Variants in SMC5 observed in about 807,000 individuals in gnomAD.
The protein encoded by SMC5 is structural maintenance of chromosomes 5.
A neutral mutation model predicts 148.3 loss-of-function variants in SMC5; 88 were observed. The observed-to-expected ratio is 0.59, with a 90% CI of 0.50 to 0.71. The LOEUF is 0.71. SMC5 is among the 30% of genes least tolerant of loss of function. SMC5 has a pLI of 0.00. For synonymous variants in SMC5, 421 were observed against 432.8 expected (o/e 0.97, Z 0.34); for missense variants, 1,142 against 1,298.9 (o/e 0.88, Z 1.86).
At chr9:70,265,315 C>T (rs550968048) in intron 2 of SMC5, among the ~76,000 whole-genome samples, 5 of 152,140 alleles carry the variant, frequency 3.3e-5, no homozygotes, top group African/African-American at 9.6e-5. Context: ...AAAAATTAGC[C>T]AGGCATGGTG....
At chr9:70,263,473 G>T (rs778275955) in intron 1 of SMC5, among the ~76,000 whole-genome samples, 1 of 152,220 alleles carries the variant, frequency 6.6e-6, no homozygotes, top group African/African-American at 2.4e-5. Flanking sequence ...TTAGTTGGCA[G>T]CTACCTGAGA....
At position 70,276,913 on chromosome 9, in the gene SMC5, A is replaced by G. The variant is rs1301831778; in HGVS notation, c.381-397A>G. Among the ~76,000 whole-genome samples, 3 of 151,990 alleles carry G rather than the reference A, an allele frequency of 2.0e-5. 1 individual carries two copies. The highest frequency in any genetic ancestry group is 7.2e-5 in the African/African-American group (3 of 41,396). ...ATTCATATGTTTTCTGAGCAGGGGG[A>G]GTTTCAAGGTTTAACTGCTCTACCC... On this transcript the variant is annotated intron_variant, in intron 3 of 24. Coordinates refer to ENST00000361138, the MANE Select transcript of SMC5 (RefSeq NM_015110.4).
rs2035461648 is a variant in SMC5 at position 70,305,113 on chromosome 9, G to A, written c.1465-134G>A. ...ATTAGATGTTTTAAAATAACTCTTT[G>A]GTACCAAGTTCTTTTTTTTTATCTT... On this transcript the variant is annotated intron_variant, in intron 10 of 24. Coordinates refer to ENST00000361138, the MANE Select transcript of SMC5 (RefSeq NM_015110.4). 9.4e-6 allele frequency: 5 copies of A among 531,900 alleles called. No homozygotes were observed. In the Admixed American group the frequency reaches 1.3e-4, roughly 14 times the overall value. 32.9% of individuals were successfully genotyped at this position (531,900 alleles called of 1,614,324 possible).
rs2034935405 is a variant in SMC5, at chr9:70,287,417, G to A, written c.1053+1146G>A. Among the ~76,000 whole-genome samples the A allele has an allele frequency of 2.0e-5, 3 of 152,052 alleles. No homozygotes were observed. In the South Asian group the frequency reaches 6.2e-4, roughly 32 times the overall value. On this transcript the variant is annotated intron_variant, in intron 8 of 24. Transcript: ENST00000361138. ...TTTTTCGTGCGTGGGTGGGCCTGAC[G>A]ACAAAATTATGTTAGGATGATTAGG...
At chr9:70,329,372 C>G (rs2036165852) in intron 17 of SMC5, among the ~76,000 whole-genome samples, 1 of 152,148 alleles carries the variant, frequency 6.6e-6, no homozygotes, top group South Asian at 2.1e-4. Flanking sequence ...GCAGCCAGGC[C>G]CCATCTTGAA....
At chr9:70,260,294 T>A (rs1180098) in intron 1 of SMC5, among the ~76,000 whole-genome samples, 32,112 of 152,024 alleles carry the variant, frequency 0.21, 3,526 homozygotes, top group South Asian at 0.28. Flanking sequence ...TTTAGTAGAC[T>A]CGCGGTTTCA....
intron 10 of SMC5, among the ~76,000 whole-genome samples, chr9:70,304,358 A>C (rs556501151): frequency 6.6e-6 from 1 of 152,186 alleles, no homozygotes; most frequent in Non-Finnish European, 1.5e-5. Flanking sequence ...TGGGGTTATC[A>C]GTGCTACCAC....
intron 6 of SMC5, 115 bp downstream of exon 6, chr9:70,281,014 T>C: frequency 8.8e-7 from 1 of 1,132,460 alleles, no homozygotes; most frequent in Non-Finnish European, 1.3e-6. Context: ...ATTTTTGGCT[T>C]TATATGTTAT....
At chr9:70,301,701 A>T (rs1346131006) in intron 10 of SMC5, among the ~76,000 whole-genome samples, 2 of 152,202 alleles carry the variant, frequency 1.3e-5, no homozygotes, top group African/African-American at 4.8e-5. Context: ...ATTTATGAAG[A>T]TGCTGATTGG....
At chr9:70,298,307 T>C in intron 9 of SMC5, 86 bp downstream of exon 9, 1 of 1,417,958 alleles carries the variant, frequency 7.1e-7, no homozygotes, top group Non-Finnish European at 9.4e-7. Flanking sequence ...TATAATTATT[T>C]CTATAAAATG....
Position 70,298,129 on chromosome 9 carries a change from A to G in SMC5, c.1217A>G (p.Asp406Gly). Residue 406 changes from aspartate (D) to glycine (G), a missense_variant, in exon 9 of 25, where the codon GAT (aspartate) becomes GGT (glycine). Coordinates refer to ENST00000361138, the MANE Select transcript of SMC5 (RefSeq NM_015110.4). ...CCCCAGATTGATGCCATTACAAATG[A>G]TCTGAGACGGATTCAGGATGAAAAG... is the stretch of plus-strand genomic sequence containing the variant. ...LQPQIDAITN[D>G]LRRIQDEKAL... 1 of 1,614,104 alleles carries G rather than the reference A, an allele frequency of 6.2e-7. No homozygotes were observed. Among genetic ancestry groups the G allele is most frequent in the Non-Finnish European group, 8.5e-7 (1 of 1,179,954 alleles).
chr9:70,264,116 C>G (rs1049920643), intron 1 of SMC5, among the ~76,000 whole-genome samples, 188 bp from the exon 2 acceptor site: 1 of 152,204 alleles, frequency 6.6e-6, no homozygotes, highest in Middle Eastern at 3.4e-3. Flanking sequence ...TTTAGTTATG[C>G]ATTACTGCCT....
At chr9:70,297,371 C>T (rs536326534) in intron 8 of SMC5, among the ~76,000 whole-genome samples, 1 of 152,280 alleles carries the variant, frequency 6.6e-6, no homozygotes, top group East Asian at 1.9e-4. Flanking sequence ...TACTCATAAA[C>T]AATCATTTTT....
intron 2 of SMC5, 35 bp from the exon 3 acceptor site, chr9:70,267,888 A>T: frequency 6.4e-7 from 1 of 1,573,526 alleles, no homozygotes; most frequent in African/African-American, 1.4e-5. Context: ...TGGGAATGTC[A>T]CTACACAGCT....
intron 19 of SMC5, 58 bp from the exon 20 acceptor site, chr9:70,347,008 A>C (rs12683377): frequency 2.4e-6 from 3 of 1,275,772 alleles, no homozygotes; most frequent in Non-Finnish European, 3.4e-6. Flanking sequence ...TTTTCTTTTA[A>C]CTATTTGAAT....
chr9:70,319,848 A>T (rs1001547326), intron 15 of SMC5, among the ~76,000 whole-genome samples: 3 of 152,236 alleles, frequency 2.0e-5, no homozygotes, highest in Admixed American at 6.5e-5. Context: ...TATTTTTAAA[A>T]GATCACATTG....
At chr9:70,351,218 G>C (rs2036795492) in intron 24 of SMC5, among the ~76,000 whole-genome samples, 1 of 151,994 alleles carries the variant, frequency 6.6e-6, no homozygotes, top group African/African-American at 2.4e-5. Context: ...GCTGGACGTG[G>C]CAGCATGCGC....
chr9:70,300,195 C>T lies in SMC5; in HGVS notation c.1459C>T (p.Leu487Phe). Residue 487 changes from leucine (L) to phenylalanine (F), a missense_variant, in exon 10 of 25, where the codon CTC becomes TTC. Transcript: ENST00000361138. ...ACAAAGAGTCTGTGAGCCCATAATG[C>T]TCACGGTAAGAAACTTTGTTCATCT... is the stretch of plus-strand genomic sequence containing the variant. ...FKQRVCEPIM[L>F]TINMKDNKNA... 6.3e-7 allele frequency: 1 copy of T among 1,584,494 alleles called. No homozygotes were observed. Among genetic ancestry groups the T allele is most frequent in the Non-Finnish European group, 8.5e-7 (1 of 1,172,070 alleles).
chr9:70,286,102 T>G (rs1437648525), intron 7 of SMC5, 98 bp from the exon 8 acceptor site: 1 of 741,392 alleles, frequency 1.3e-6, no homozygotes, highest in African/African-American at 1.8e-5. Context: ...TGTAAATTGT[T>G]GTGGGTTAAC....
Sources: allele counts gnomAD v4.1 joint callset (sites outside exome capture counted in the v4.1 genomes callset), GRCh38; gene constraint gnomAD v4.1.1; transcripts MANE v1.5; gene names NCBI Gene and HGNC (gene_info 2026-07-23, HGNC 2026-07-21).